The following TMEM67 variants were observed in gnomAD, a reference collection of about 807,000 sequenced individuals.
The protein encoded by TMEM67 is transmembrane protein 67.
In TMEM67, 124 loss-of-function variants were observed where a neutral mutation model predicts 136.6. That is an observed-to-expected ratio of 0.91 (90% CI 0.78 to 1.05). The LOEUF (loss-of-function observed/expected upper bound fraction) is 1.05, where lower values mean the gene tolerates loss of function less well. Ranked by LOEUF, TMEM67 falls within the 50% of genes least tolerant of loss-of-function variation. The pLI is 0.00. For missense variants in TMEM67, 1,107 were observed against 1,178.4 expected (o/e 0.94, Z 0.89); for synonymous variants, 364 against 390.5 (o/e 0.93, Z 0.80).
Position 93,816,471 on chromosome 8 carries a change from T to C in TMEM67, c.*19T>C, listed in dbSNP as rs55850117. The C allele has an allele frequency of 3.2e-3, 4,613 of 1,442,244 alleles. 116 individuals carry two copies. The African/African-American group carries it at 0.054, about 17-fold the overall frequency. 89.3% of individuals were successfully genotyped at this position (1,442,244 alleles called of 1,614,324 possible). A position where few individuals can be genotyped will look rare whatever the true frequency, so the allele number is the denominator to read the frequency against. On this transcript the variant is annotated 3_prime_UTR_variant, in exon 28 of 28. Coordinates refer to ENST00000453321, the MANE Select transcript of TMEM67 (RefSeq NM_153704.6). Reference sequence around the variant, plus strand: ...GATTTAACTTCCTGAATAAATAACTTAAAGACTCAGTATAATCATGGCCAA... The same window carrying C: ...GATTTAACTTCCTGAATAAATAACTCAAAGACTCAGTATAATCATGGCCAA...
intron 7 of TMEM67, among the ~76,000 whole-genome samples, chr8:93,779,101 A>T (rs1229078966): frequency 1.3e-5 from 2 of 152,064 alleles, no homozygotes; most frequent in African/African-American, 4.8e-5. Context: ...TATTTCATTA[A>T]TTTGATCTTC....
rs1814971028 is a variant in TMEM67, at chr8:93,803,680, GTAATGTAA to G, written c.2319_2322+4del. ...CAGTTCGTTGATTTATGCTCTATGA[GTAATGTAA>G]GTACTTTCTGACTTCATCTTGCAAC... On this transcript the variant is annotated splice_donor_variant and splice_donor_region_variant and coding_sequence_variant and intron_variant, in exon 22 of 28. Coordinates refer to ENST00000453321, the MANE Select transcript of TMEM67 (RefSeq NM_153704.6). LOFTEE classifies it high-confidence loss of function. 1.4e-5 allele frequency: 21 copies of G among 1,533,502 alleles called. No individual in the cohort carries two copies. The highest frequency in any genetic ancestry group is 1.8e-5 in the Non-Finnish European group (20 of 1,107,414). The allele number at this position is 1,533,502 out of a possible 1,614,324, so 95.0% of individuals were successfully genotyped here.
At chr8:93,812,178 AAAAG>A (rs1285447853) in intron 26 of TMEM67, among the ~76,000 whole-genome samples, 2 of 152,052 alleles carry the variant, frequency 1.3e-5, no homozygotes, top group African/African-American at 2.4e-5. Flanking sequence ...AAAGAAAAGA[AAAAG>A]AAACCACTGC....
chr8:93,801,462 C>T (rs969621178), intron 21 of TMEM67, among the ~76,000 whole-genome samples: 2 of 149,686 alleles, frequency 1.3e-5, no homozygotes, highest in Non-Finnish European at 3.0e-5. Context: ...AGTGCAGTGG[C>T]GTGATCTCAG....
At chr8:93,781,792 C>A in intron 10 of TMEM67, 48 bp downstream of exon 10, 1 of 1,163,884 alleles carries the variant, frequency 8.6e-7, no homozygotes, top group Non-Finnish European at 1.3e-6. Context: ...TTATTTTTGC[C>A]TGAGACAAAG....
At chr8:93,803,879 A>ATTTTTTTT (rs377147074) in intron 22 of TMEM67, among the ~76,000 whole-genome samples, 195 bp downstream of exon 22, 2 of 139,058 alleles carry the variant, frequency 1.4e-5, no homozygotes, top group African/African-American at 2.6e-5. Context: ...TCATTTTTTC[A>ATTTTTTTT]TTTTTTTTTT....
At chr8:93,805,777 A>G (rs1457156804) in intron 23 of TMEM67, among the ~76,000 whole-genome samples, 2 of 152,208 alleles carry the variant, frequency 1.3e-5, no homozygotes, top group Admixed American at 1.3e-4. Flanking sequence ...ACCATTTTGC[A>G]ATGACTAATG....
At chr8:93,757,336 T>G (rs886722287) in intron 2 of TMEM67, among the ~76,000 whole-genome samples, 3 of 152,026 alleles carry the variant, frequency 2.0e-5, no homozygotes, top group Non-Finnish European at 4.4e-5. Context: ...GCTGTCATAC[T>G]TTATCAAAAA....
the TMEM67 span, among the ~76,000 whole-genome samples, chr8:93,829,503 A>C: frequency 0.018 from 2,776 of 150,804 alleles, 86 homozygotes; most frequent in African/African-American, 0.062. Flanking sequence ...TCCTCTAACT[A>C]CCTCTAAGCA....
the TMEM67 span, among the ~76,000 whole-genome samples, chr8:93,827,591 T>TG: frequency 6.6e-5 from 10 of 151,184 alleles, no homozygotes; most frequent in African/African-American, 2.4e-4. Flanking sequence ...TTTTTTTTTT[T>TG]TTGTATTTTT....
chr8:93,778,261 T>G (rs569627879), intron 7 of TMEM67, among the ~76,000 whole-genome samples: 44 of 152,356 alleles, frequency 2.9e-4, no homozygotes, highest in Middle Eastern at 3.4e-3. Flanking sequence ...GCACGTGAGA[T>G]GGGTCTCCTG....
chr8:93,812,615 C>T (rs536054890), intron 26 of TMEM67, among the ~76,000 whole-genome samples: 1 of 152,156 alleles, frequency 6.6e-6, no homozygotes, highest in Non-Finnish European at 1.5e-5. Flanking sequence ...AACTTTAGTG[C>T]CTTCTTTGTA....
intron 7 of TMEM67, among the ~76,000 whole-genome samples, chr8:93,778,849 A>C (rs893507070): frequency 6.6e-6 from 1 of 152,014 alleles, no homozygotes; most frequent in African/African-American, 2.4e-5. Flanking sequence ...TCCTCTTCTC[A>C]AGGAGTATCT....
rs759073614 is a variant in TMEM67, at chr8:93,797,399, T to G, written c.2029T>G (p.Trp677Gly). The G allele has an allele frequency of 3.7e-6, 6 of 1,614,036 alleles. No homozygotes were observed. In the South Asian group the frequency reaches 6.6e-5, roughly 18 times the overall value. ...GAGAACATATTTTGTAGCAAATGAATGGAATGAAATTCAGACTGTGAGAAA... is the reference window on the plus strand; with the variant it reads ...GAGAACATATTTTGTAGCAAATGAAGGGAATGAAATTCAGACTGTGAGAAA... ...IWRTYFVANE[W>G]NEIQTVRKIN... Residue 677 changes from tryptophan to glycine, a missense_variant, in exon 20 of 28, where the codon TGG becomes GGG. Trp to Gly is a radical substitution (Grantham distance 184, BLOSUM62 -2). Transcript: ENST00000453321.
At chr8:93,832,319 T>C in the TMEM67 span, among the ~76,000 whole-genome samples, 2 of 152,318 alleles carry the variant, frequency 1.3e-5, no homozygotes, top group East Asian at 1.9e-4. Context: ...GGGGTACCCA[T>C]GGAGGCTACA....
chr8:93,797,304 T>C (rs1814665363), intron 19 of TMEM67, 27 bp from the exon 20 acceptor site: 3 of 1,614,040 alleles, frequency 1.9e-6, no homozygotes, highest in Non-Finnish European at 2.5e-6. Context: ...GGTAAAACTC[T>C]TTTACTCATT....
rs35511670 is a variant in TMEM67 at position 93,798,942 on chromosome 8, AGTGTGTGTGTGT to A, written c.2101-645_2101-634del. 2.6e-3 allele frequency among the ~76,000 whole-genome samples: 379 copies of A among 143,482 alleles called. 3 individuals are homozygous for A. Among genetic ancestry groups the A allele is most frequent in the African/African-American group, 8.7e-3 (339 of 38,858 alleles). The allele number at this position is 143,482 out of a possible 152,430, so 94.1% of individuals were successfully genotyped here. ...ACATCTTTTCTTTTTGTACTAAAGT[AGTGTGTGTGTGT>A]GTGTGTGTGTGTGTGTGTGTGTGTG... On this transcript the variant is annotated intron_variant, in intron 20 of 27. Coordinates refer to ENST00000453321, the MANE Select transcript of TMEM67 (RefSeq NM_153704.6).
chr8:93,777,902 T>A (rs567310778), intron 7 of TMEM67, among the ~76,000 whole-genome samples: 262 of 152,336 alleles, frequency 1.7e-3, no homozygotes, highest in African/African-American at 6.1e-3. Flanking sequence ...AAGTCCTGGA[T>A]ATTCTTGTTA....
At chr8:93,757,131 A>G in intron 2 of TMEM67, 1 of 145,146 alleles carries the variant, frequency 6.9e-6, no homozygotes, top group Admixed American at 7.0e-5. Flanking sequence ...AAATAAATAA[A>G]TTGTCCTGTA....
Sources: allele counts gnomAD v4.1 joint callset (sites outside exome capture counted in the v4.1 genomes callset), GRCh38; gene constraint gnomAD v4.1.1; transcripts MANE v1.5; gene names NCBI Gene and HGNC (gene_info 2026-07-23, HGNC 2026-07-21).